Variants in LARP4B observed in about 807,000 individuals in gnomAD.
The protein encoded by LARP4B is la-related protein 4B.
Under a neutral mutation model 89.8 loss-of-function variants are expected in LARP4B, and 12 were observed. The ratio of observed to expected loss-of-function variants is 0.13; its 90% CI spans 0.09 to 0.22. The LOEUF (loss-of-function observed/expected upper bound fraction) is 0.22. Ranked by LOEUF, LARP4B falls within the 10% of genes least tolerant of loss-of-function variation. LARP4B has a pLI of 1.00. For synonymous variants in LARP4B, 367 were observed against 363.3 expected, an observed-to-expected ratio of 1.01 and a Z score of -0.12; for missense variants, 757 against 947.7, an observed-to-expected ratio of 0.80 and a Z score of 2.64.
At chr10:832,104 C>T (rs570396227) in intron 8 of LARP4B, among the ~76,000 whole-genome samples, 4 of 152,228 alleles carry the variant, frequency 2.6e-5, no homozygotes, top group Middle Eastern at 3.4e-3. Flanking sequence ...AGTTCAGTGG[C>T]GCTATCTCGG....
intron 1 of LARP4B, among the ~76,000 whole-genome samples, chr10:909,980 T>A (rs966679330): frequency 6.6e-6 from 1 of 152,146 alleles, no homozygotes. Context: ...AACAGCTTAG[T>A]GCAGTTGAGC....
the LARP4B span, among the ~76,000 whole-genome samples, chr10:982,116 CTTTTTT>C: frequency 8.0e-4 from 37 of 46,000 alleles, no homozygotes; most frequent in African/African-American, 3.1e-3. Flanking sequence ...TTCTTTCTTT[CTTTTTT>C]TTTTTTTTTT....
chr10:860,346 ATG>A (rs1278613536), intron 5 of LARP4B, among the ~76,000 whole-genome samples: 16 of 152,330 alleles, frequency 1.1e-4, no homozygotes, highest in Non-Finnish European at 4.4e-5. Context: ...GGTCATAAGG[ATG>A]TGGTGCTTTA....
At chr10:846,024 G>A (rs1227078991) in intron 5 of LARP4B, among the ~76,000 whole-genome samples, 1 of 152,128 alleles carries the variant, frequency 6.6e-6, no homozygotes, top group Admixed American at 6.5e-5. Flanking sequence ...TCAGCAAAAA[G>A]AAACCAAAAC....
intron 5 of LARP4B, among the ~76,000 whole-genome samples, chr10:854,536 T>C (rs1267873164): frequency 6.6e-6 from 1 of 152,224 alleles, no homozygotes; most frequent in Non-Finnish European, 1.5e-5. Flanking sequence ...GGTAACTAGG[T>C]ACATTTTCAA....
rs1193200520 is a variant in LARP4B, at chr10:814,465, A to G, written c.1929+277T>C. ...ATGATCCTAAAGTCTATGGAGAAAC[A>G]GGAGCTGGGGTCTTGTTACTACTCA... On this transcript the variant is annotated intron_variant, in intron 17 of 17. Coordinates refer to ENST00000316157, the MANE Select transcript of LARP4B (RefSeq NM_015155.3). The surrounding 1 kb of genome is among the most constrained non-coding windows in gnomAD (Gnocchi z 4.4). The G allele has an allele frequency of 7.8e-6, 4 of 513,134 alleles. No individual in the cohort carries two copies. Among genetic ancestry groups the G allele is most frequent in the Non-Finnish European group, 1.1e-5 (3 of 280,642 alleles). 31.8% of individuals were successfully genotyped at this position (513,134 alleles called of 1,614,324 possible).
chr10:954,789 C>A, the LARP4B span, among the ~76,000 whole-genome samples: 1 of 148,840 alleles, frequency 6.7e-6, no homozygotes, highest in African/African-American at 2.5e-5. The surrounding 1 kb of genome is among the most constrained non-coding windows in gnomAD (Gnocchi z 5.0). Flanking sequence ...AGGACAGCTC[C>A]CATCCACGCT....
At chr10:837,690 G>A (rs527361020) in intron 7 of LARP4B, among the ~76,000 whole-genome samples, 1 of 152,266 alleles carries the variant, frequency 6.6e-6, no homozygotes, top group African/African-American at 2.4e-5. Context: ...AGACACGTGG[G>A]GTGCTGCAAC....
At chr10:977,197 A>C in the LARP4B span, among the ~76,000 whole-genome samples, 1 of 152,100 alleles carries the variant, frequency 6.6e-6, no homozygotes, top group Non-Finnish European at 1.5e-5. Context: ...TCTGTCGCCC[A>C]GGCTGGAATG....
chr10:917,113 A>C (rs1038238299), intron 1 of LARP4B, among the ~76,000 whole-genome samples: 1 of 152,222 alleles, frequency 6.6e-6, no homozygotes, highest in South Asian at 2.1e-4. Context: ...CTAACTCTGT[A>C]TATCAAGCAG....
At chr10:938,509 T>A in the LARP4B span, among the ~76,000 whole-genome samples, 1 of 152,206 alleles carries the variant, frequency 6.6e-6, no homozygotes. Flanking sequence ...CGCCTCGGCC[T>A]CCCAAAGTGC....
At chr10:976,576 T>C in the LARP4B span, among the ~76,000 whole-genome samples, 2 of 143,940 alleles carry the variant, frequency 1.4e-5, no homozygotes, top group Non-Finnish European at 3.0e-5. Context: ...GCCGGCCTAG[T>C]AGAAGGTAGG....
chr10:977,490 G>A, the LARP4B span, among the ~76,000 whole-genome samples: 1 of 150,924 alleles, frequency 6.6e-6, no homozygotes, highest in South Asian at 2.1e-4. Flanking sequence ...AGTGAGCCAA[G>A]ATAGTGCCAC....
the LARP4B span, among the ~76,000 whole-genome samples, chr10:938,287 G>C: frequency 2.1e-5 from 3 of 142,422 alleles, no homozygotes; most frequent in African/African-American, 7.9e-5. Flanking sequence ...GTCTCGCTCT[G>C]TCACCCAGGC....
chr10:814,541 A>G lies in LARP4B; in HGVS notation c.1929+201T>C. 7 of 1,195,482 alleles carry G rather than the reference A, an allele frequency of 5.9e-6. No individual in the cohort carries two copies. Among genetic ancestry groups the G allele is most frequent in the Non-Finnish European group, 7.2e-6 (6 of 836,048 alleles). 74.1% of individuals were successfully genotyped at this position (1,195,482 alleles called of 1,614,324 possible). ...AATAAAAGGACTACATGGTGGTCTGAGAAAGAACTAGAGTAGTTAGTGGAA... is the reference window on the plus strand; with the variant it reads ...AATAAAAGGACTACATGGTGGTCTGGGAAAGAACTAGAGTAGTTAGTGGAA... On this transcript the variant is annotated intron_variant, in intron 17 of 17. Coordinates refer to ENST00000316157, the MANE Select transcript of LARP4B (RefSeq NM_015155.3). The surrounding 1 kb of genome is among the most constrained non-coding windows in gnomAD (Gnocchi z 4.4).
At chr10:883,170 T>C (rs1835738627) in intron 3 of LARP4B, among the ~76,000 whole-genome samples, 2 of 152,254 alleles carry the variant, frequency 1.3e-5, no homozygotes, top group Non-Finnish European at 2.9e-5. Flanking sequence ...ATGTCTTATA[T>C]AATTTTCTTC....
Position 814,927 on chromosome 10 carries a change from G to A in LARP4B, c.1820+19C>T. The A allele has an allele frequency of 1.3e-6, 2 of 1,579,656 alleles. No individual in the cohort carries two copies. The highest frequency in any genetic ancestry group is 1.7e-6 in the Non-Finnish European group (2 of 1,158,388). On this transcript the variant is annotated intron_variant, in intron 16 of 17. Transcript: ENST00000316157. The surrounding 1 kb of genome is among the most constrained non-coding windows in gnomAD (Gnocchi z 4.4). ...CAAGTCAGTCAACACCAAGGCGCTG[G>A]AAGAACACCAATACTCACTCGGGTA...
chr10:968,811 G>A, the LARP4B span, among the ~76,000 whole-genome samples: 1 of 152,242 alleles, frequency 6.6e-6, no homozygotes, highest in Admixed American at 6.5e-5. Flanking sequence ...CTTCCTGCGC[G>A]ACAGCAAGCA....
intron 1 of LARP4B, among the ~76,000 whole-genome samples, chr10:908,980 G>A (rs966745987): frequency 1.1e-4 from 17 of 152,162 alleles, no homozygotes; most frequent in African/African-American, 2.2e-4. Context: ...ACAGCCAAAC[G>A]GCAGGCGTGG....
Sources: gnomAD v4.1 joint callset for allele counts (sites outside exome capture counted in the v4.1 genomes callset) on GRCh38, gnomAD v4.1.1 for gene constraint, Gnocchi (gnomAD v3.1) non-coding constraint, MANE v1.5 for transcripts, NCBI Gene and HGNC (gene_info 2026-07-23, HGNC 2026-07-21) for gene names.